The following STK32B variants were observed in gnomAD, a reference collection of about 807,000 sequenced individuals.
STK32B encodes serine/threonine kinase 32B, also known as serine/threonine-protein kinase 32B.
In STK32B, 43 loss-of-function variants were observed where a neutral mutation model predicts 52.6. The observed-to-expected ratio is 0.82, with a 90% CI of 0.64 to 1.05. The LOEUF (loss-of-function observed/expected upper bound fraction) is 1.05. Ranked by LOEUF, STK32B falls within the 50% of genes least tolerant of loss-of-function variation. STK32B has a pLI of 0.00. For missense variants in STK32B, 621 were observed against 534.6 expected (o/e 1.16, Z -1.59); for synonymous variants, 238 against 204.3 (o/e 1.17, Z -1.41).
chr4:5,178,653 ACC>A (rs1720113963), intron 3 of STK32B, among the ~76,000 whole-genome samples: 1 of 152,178 alleles, frequency 6.6e-6, no homozygotes, highest in African/African-American at 2.4e-5. Flanking sequence ...TCTGCCAGAT[ACC>A]CTGAATCATC....
chr4:5,487,292 G>C (rs1441797164), intron 11 of STK32B, among the ~76,000 whole-genome samples: 1 of 152,158 alleles, frequency 6.6e-6, no homozygotes, highest in Admixed American at 6.5e-5. Flanking sequence ...CATCTAATTA[G>C]TCCATGGGCA....
intron 1 of STK32B, among the ~76,000 whole-genome samples, chr4:5,088,973 G>T (rs1054631271): frequency 6.6e-6 from 1 of 151,632 alleles, no homozygotes; most frequent in African/African-American, 2.4e-5. Flanking sequence ...ACTAGAGAAG[G>T]TTAAAACATT....
intron 7 of STK32B, among the ~76,000 whole-genome samples, chr4:5,455,790 C>A (rs1388332018): frequency 6.6e-6 from 1 of 152,082 alleles, no homozygotes; most frequent in East Asian, 1.9e-4. Flanking sequence ...GTCAAATTCC[C>A]CCTTTGAGCA....
intron 3 of STK32B, among the ~76,000 whole-genome samples, chr4:5,247,531 G>A (rs1021679054): frequency 4.6e-5 from 7 of 152,154 alleles, no homozygotes; most frequent in Non-Finnish European, 1.0e-4. Flanking sequence ...CGGGTGAGGC[G>A]ATGCCTCGCC....
rs558988282 is a variant in STK32B, at chr4:5,159,487, C to CATATGAATATAT, written c.109-8787_109-8776dup. Among the ~76,000 whole-genome samples the CATATGAATATAT allele has an allele frequency of 7.7e-3, 1,062 of 137,308 alleles. 25 individuals are homozygous for CATATGAATATAT. The highest frequency in any genetic ancestry group is 0.027 in the African/African-American group (947 of 35,250). The allele number at this position is 137,308 out of a possible 152,430, so 90.1% of individuals were successfully genotyped here. On this transcript the variant is annotated intron_variant, in intron 2 of 11. Transcript: ENST00000282908. ...ATACACACACACATATATATGAATA[C>CATATGAATATAT]ATATGAATATATATATGAATATATA...
intron 2 of STK32B, among the ~76,000 whole-genome samples, chr4:5,149,073 CTTT>C (rs1306772764): frequency 6.6e-6 from 1 of 151,684 alleles, no homozygotes; most frequent in South Asian, 2.1e-4. Flanking sequence ...CATTTTTCTT[CTTT>C]ATTTTCTTAA....
At chr4:5,077,852 AT>A (rs1366272444) in intron 1 of STK32B, among the ~76,000 whole-genome samples, 2 of 152,146 alleles carry the variant, frequency 1.3e-5, no homozygotes, top group Non-Finnish European at 2.9e-5. Flanking sequence ...ATCCTGTAGG[AT>A]GCTTTTGTCT....
chr4:5,205,491 C>G (rs908478181), intron 3 of STK32B, among the ~76,000 whole-genome samples: 6 of 152,134 alleles, frequency 3.9e-5, no homozygotes, highest in African/African-American at 1.4e-4. Flanking sequence ...AGGGGTTGTT[C>G]CAGTTTTCAC....
chr4:5,215,188 A>T (rs1180974473), intron 3 of STK32B, among the ~76,000 whole-genome samples: 2 of 152,284 alleles, frequency 1.3e-5, no homozygotes, highest in South Asian at 2.1e-4. Flanking sequence ...GTGGGCCCAG[A>T]GCTCTGAGAA....
At chr4:5,169,596 G>A (rs1222840358) in intron 3 of STK32B, among the ~76,000 whole-genome samples, 4 of 152,066 alleles carry the variant, frequency 2.6e-5, no homozygotes, top group Non-Finnish European at 5.9e-5. Flanking sequence ...ACAGACATGG[G>A]CATTGCCATG....
chr4:5,321,553 C>G (rs550074084), intron 3 of STK32B, among the ~76,000 whole-genome samples: 1 of 152,322 alleles, frequency 6.6e-6, no homozygotes, highest in African/African-American at 2.4e-5. Context: ...GTGAACAGTA[C>G]GTGTGCCTCT....
intron 11 of STK32B, among the ~76,000 whole-genome samples, chr4:5,484,734 TC>T (rs1421501330): frequency 6.6e-6 from 1 of 152,198 alleles, no homozygotes; most frequent in Non-Finnish European, 1.5e-5. Context: ...TACCAGTTGT[TC>T]CTTTCCATGT....
rs544519430 is a variant in STK32B at position 5,470,789 on chromosome 4, C to T, written c.1106+2719C>T. On this transcript the variant is annotated intron_variant, in intron 11 of 11. Transcript: ENST00000282908. This position sits in a 1 kb window ranked among gnomAD's most constrained non-coding sequence, Gnocchi z 4.6. ...CTTTAAACCAAGAAAAAAGTGAGAC[C>T]TGTTTATCCTTCACTTCTGTCTGGA... Among the ~76,000 whole-genome samples, 18 of 152,322 alleles carry T rather than the reference C, an allele frequency of 1.2e-4. No homozygotes were observed. In the South Asian group the frequency reaches 3.5e-3, roughly 30 times the overall value.
At chr4:5,208,156 G>A (rs1430963405) in intron 3 of STK32B, among the ~76,000 whole-genome samples, 1 of 151,806 alleles carries the variant, frequency 6.6e-6, no homozygotes, top group Non-Finnish European at 1.5e-5. Flanking sequence ...GTAGGTTGAT[G>A]GTACCTCTTG....
intron 3 of STK32B, among the ~76,000 whole-genome samples, chr4:5,210,752 G>GT (rs1370108951): frequency 6.7e-6 from 1 of 150,174 alleles, no homozygotes; most frequent in Non-Finnish European, 1.5e-5. Flanking sequence ...TTGCAAAAGT[G>GT]TTTTCTATCC....
intron 1 of STK32B, among the ~76,000 whole-genome samples, chr4:5,135,725 T>C (rs1716035123): frequency 1.3e-5 from 2 of 152,170 alleles, no homozygotes; most frequent in South Asian, 2.1e-4. Context: ...GCTCCAGATA[T>C]CACGTCCACA....
chr4:5,160,072 C>T (rs1718316918), intron 2 of STK32B, among the ~76,000 whole-genome samples: 1 of 152,222 alleles, frequency 6.6e-6, no homozygotes, highest in South Asian at 2.1e-4. Context: ...ATATCAACCT[C>T]ACCCCAAAAC....
intron 5 of STK32B, among the ~76,000 whole-genome samples, chr4:5,414,021 G>C (rs1711937665): frequency 6.6e-6 from 1 of 152,132 alleles, no homozygotes; most frequent in Non-Finnish European, 1.5e-5. Context: ...AGGAATTCTT[G>C]TCACATATTC....
intron 1 of STK32B, among the ~76,000 whole-genome samples, chr4:5,133,427 A>G (rs1382882236): frequency 6.6e-6 from 1 of 152,182 alleles, no homozygotes; most frequent in Admixed American, 6.5e-5. Context: ...CCACTCCCTC[A>G]GAGAGCTCCC....
Sources: allele counts gnomAD v4.1 joint callset (sites outside exome capture counted in the v4.1 genomes callset), GRCh38; gene constraint gnomAD v4.1.1; non-coding constraint Gnocchi (gnomAD v3.1); transcripts MANE v1.5; gene names NCBI Gene and HGNC (gene_info 2026-07-23, HGNC 2026-07-21).